Variants in ARSG observed in about 807,000 individuals in gnomAD.
The protein encoded by ARSG is ASG.
A neutral mutation model predicts 50.5 loss-of-function variants in ARSG; 37 were observed. That is an observed-to-expected ratio of 0.73 (90% confidence interval 0.56 to 0.96). The LOEUF (loss-of-function observed/expected upper bound fraction) is 0.96, where lower values mean the gene tolerates loss of function less well. Ranked by LOEUF, ARSG falls within the 50% of genes least tolerant of loss-of-function variation. The pLI is 0.00. For missense variants in ARSG, 629 were observed against 675.3 expected (o/e 0.93, Z 0.76); for synonymous variants, 225 against 254.6 (o/e 0.88, Z 1.11).
At chr17:68,431,296 T>C in the ARSG span, among the ~76,000 whole-genome samples, 2 of 152,048 alleles carry the variant, frequency 1.3e-5, no homozygotes, top group Non-Finnish European at 2.9e-5. Context: ...ATTTCCTCAT[T>C]TGGGAAACAG....
At chr17:68,344,475 C>T (rs911323321) in intron 3 of ARSG, among the ~76,000 whole-genome samples, 2 of 152,346 alleles carry the variant, frequency 1.3e-5, no homozygotes, top group East Asian at 3.9e-4. Flanking sequence ...TTTTTTTAGG[C>T]ATCTCTTACT....
rs899716773 is a variant in ARSG at position 68,346,709 on chromosome 17, G to A, written c.407-416G>A. Reference sequence around the variant, plus strand: ...GGAAGATGATGAAACCAGGCAGGAAGCGGGCATTTCTGAGACGATGTGGGG... The same window carrying A: ...GGAAGATGATGAAACCAGGCAGGAAACGGGCATTTCTGAGACGATGTGGGG... On this transcript the variant is annotated intron_variant, in intron 3 of 11. Transcript: ENST00000621439. The A allele has an allele frequency of 1.2e-5, 15 of 1,227,126 alleles. No individual in the cohort carries two copies. The East Asian group carries it at 8.0e-4, about 65-fold the overall frequency. 76.0% of individuals were successfully genotyped at this position (1,227,126 alleles called of 1,614,324 possible).
chr17:68,428,709 T>G, the ARSG span: 2 of 757,042 alleles, frequency 2.6e-6, no homozygotes, highest in Non-Finnish European at 4.4e-6. Context: ...GGTTTGCCAC[T>G]GAGACTGCCA....
intron 2 of ARSG, among the ~76,000 whole-genome samples, chr17:68,317,026 C>T (rs1196588991): frequency 1.3e-5 from 2 of 152,076 alleles, no homozygotes; most frequent in Non-Finnish European, 2.9e-5. Flanking sequence ...TTGTGGCCAG[C>T]GCACACGATT....
At position 68,420,581 on chromosome 17, in the gene ARSG, T is replaced by C. The variant is rs1428667929; in HGVS notation, c.*118T>C. The C allele has an allele frequency of 1.6e-6, 2 of 1,258,712 alleles. No individual in the cohort carries two copies. The highest frequency in any genetic ancestry group is 2.3e-5 in the East Asian group (1 of 43,028). 78.0% of individuals were successfully genotyped at this position (1,258,712 alleles called of 1,614,324 possible). ...TTAGTTTAGTCTTGGAGTTTAGTTT[T>C]GGAGTTAGCCTTGCATATCCCTTCT... On this transcript the variant is annotated 3_prime_UTR_variant, in exon 12 of 12. Coordinates refer to ENST00000621439, the MANE Select transcript of ARSG (RefSeq NM_001267727.2).
chr17:68,404,021 C>G (rs1185213600), intron 11 of ARSG, among the ~76,000 whole-genome samples: 2 of 152,190 alleles, frequency 1.3e-5, no homozygotes, highest in Admixed American at 6.5e-5. Flanking sequence ...ATCCATGTCC[C>G]TACCAAGGAC....
chr17:68,450,357 T>C, the ARSG span, among the ~76,000 whole-genome samples: 28 of 152,126 alleles, frequency 1.8e-4, no homozygotes, highest in African/African-American at 6.8e-4. Context: ...TGAATGACAC[T>C]ATCTAGGGCA....
At chr17:68,313,821 G>A (rs1187746191) in intron 2 of ARSG, among the ~76,000 whole-genome samples, 4 of 151,886 alleles carry the variant, frequency 2.6e-5, no homozygotes, top group Non-Finnish European at 5.9e-5. Context: ...TGGAATTACA[G>A]GCACCTGCCA....
intron 1 of ARSG, among the ~76,000 whole-genome samples, chr17:68,300,836 G>T (rs1423624845): frequency 6.6e-6 from 1 of 151,696 alleles, no homozygotes; most frequent in Admixed American, 6.6e-5. Flanking sequence ...ACAGTGTCTG[G>T]TGTGAGGTCT....
intron 2 of ARSG, among the ~76,000 whole-genome samples, chr17:68,339,600 G>A (rs1290126734): frequency 6.6e-6 from 1 of 152,160 alleles, no homozygotes; most frequent in Non-Finnish European, 1.5e-5. Flanking sequence ...GAAGAGACTA[G>A]ACCAGTTTTC....
rs368706585 is a variant in ARSG at position 68,274,031 on chromosome 17, C to T, written c.-552+14605C>T. On this transcript the variant is annotated intron_variant, in intron 1 of 11. Transcript: ENST00000448504. ...TAGCCCCCCCAACATCACTACCAGA[C>T]GGTGTCCGAAACGATTGCTCAGGAC... 46 of 1,614,002 alleles carry T rather than the reference C, an allele frequency of 2.9e-5. 1 individual carries two copies. The highest frequency in any genetic ancestry group is 6.7e-5 in the African/African-American group (5 of 74,902).
At chr17:68,373,568 T>C (rs1468007853) in intron 8 of ARSG, among the ~76,000 whole-genome samples, 2 of 152,106 alleles carry the variant, frequency 1.3e-5, no homozygotes, top group African/African-American at 2.4e-5. Context: ...GGATCAGATA[T>C]CTTGAGAACT....
intron 9 of ARSG, 52 bp downstream of exon 9, chr17:68,385,224 A>T (rs1568557278): frequency 6.5e-7 from 1 of 1,531,508 alleles, no homozygotes; most frequent in Non-Finnish European, 9.0e-7. Flanking sequence ...AAGAAAAGTC[A>T]TGGAGGCATG....
At chr17:68,421,838 G>A (rs763008349), downstream of ARSG, 2 of 1,614,114 alleles carry the variant, frequency 1.2e-6, no homozygotes, top group East Asian at 2.2e-5. Context: ...AATCAAAACA[G>A]AATGGCCTTA....
rs181202530 is a variant in ARSG, at chr17:68,373,148, A to G, written c.982+2624A>G. Among the ~76,000 whole-genome samples the G allele has an allele frequency of 7.1e-4, 107 of 150,804 alleles. No homozygotes were observed. The East Asian group carries it at 0.016, about 23-fold the overall frequency. On this transcript the variant is annotated intron_variant, in intron 8 of 11. Transcript: ENST00000621439. Reference sequence around the variant, plus strand: ...GGTTGGTTTTGAATTCCTGACCTCAAGTGATCCACCTGCCTCGGCCTCCCA... The same window carrying G: ...GGTTGGTTTTGAATTCCTGACCTCAGGTGATCCACCTGCCTCGGCCTCCCA...
chr17:68,437,036 GTATA>G, the ARSG span, among the ~76,000 whole-genome samples: 55 of 118,748 alleles, frequency 4.6e-4, no homozygotes, highest in Non-Finnish European at 6.0e-4. Flanking sequence ...GTGTGTGTGT[GTATA>G]TATTGCTCAT....
At chr17:68,312,568 G>C (rs7212807) in intron 2 of ARSG, among the ~76,000 whole-genome samples, 104,355 of 151,502 alleles carry the variant, frequency 0.69, 38,564 homozygotes, top group Non-Finnish European at 0.83. Context: ...GCAGAAAGGA[G>C]GACTCAGGGG....
intron 1 of ARSG, among the ~76,000 whole-genome samples, chr17:68,277,430 G>A (rs1013019786): frequency 1.2e-4 from 18 of 149,662 alleles, no homozygotes; most frequent in African/African-American, 3.4e-4. Context: ...GCGCCCGGCC[G>A]CAACTTTTTT....
At position 68,415,942 on chromosome 17, in the gene ARSG, T is replaced by C. The variant is rs185999957; in HGVS notation, c.1304-4247T>C. On this transcript the variant is annotated intron_variant, in intron 11 of 11. Coordinates refer to ENST00000621439, the MANE Select transcript of ARSG (RefSeq NM_001267727.2). ...AGATGAGTCTCCCGAAGGCAGCAGA[T>C]GGTTGGTTGGTGATCTTATCCATTC... is the stretch of plus-strand genomic sequence containing the variant. 5.4e-3 allele frequency among the ~76,000 whole-genome samples: 824 copies of C among 152,310 alleles called. 6 individuals are homozygous for C. Among genetic ancestry groups the C allele is most frequent in the Non-Finnish European group, 9.1e-3 (621 of 68,006 alleles).
Sources: allele counts gnomAD v4.1 joint callset (sites outside exome capture counted in the v4.1 genomes callset), GRCh38; gene constraint gnomAD v4.1.1; transcripts MANE v1.5; gene names NCBI Gene and HGNC (gene_info 2026-07-23, HGNC 2026-07-21).